The following AADACL2 variants were observed in gnomAD, a reference collection of about 807,000 sequenced individuals.
The protein encoded by AADACL2 is arylacetamide deacetylase-like 2.
AADACL2 carries 23 observed loss-of-function variants against 22.3 expected under a neutral mutation model. The ratio of observed to expected loss-of-function variants is 1.03; its 90% CI spans 0.74 to 1.46. The LOEUF (loss-of-function observed/expected upper bound fraction) is 1.46. AADACL2 is among the 40% of genes most tolerant of loss of function. The pLI is 0.00. For missense variants in AADACL2, 472 were observed against 482.9 expected (o/e 0.98, Z 0.21); for synonymous variants, 177 against 166.2 (o/e 1.07, Z -0.50).
At position 151,761,204 on chromosome 3, in the gene AADACL2, G is replaced by GATATATATATATATATATATAT. The variant is rs56205370; in HGVS notation, c.*3627_*3648dup. 2.3e-5 allele frequency: 2 copies of GATATATATATATATATATATAT among 85,452 alleles called. No individual in the cohort carries two copies. The highest frequency in any genetic ancestry group is 2.4e-5 in the Non-Finnish European group (1 of 41,462). 5.3% of individuals were successfully genotyped at this position (85,452 alleles called of 1,614,324 possible). The stretch of plus-strand genomic sequence containing the variant: ...ATATGGTGAGATATATACATATTGT[G>GATATATATATATATATATATAT]ATATATATATATATATATATATATA... On this transcript the variant is annotated 3_prime_UTR_variant, in exon 5 of 5. Transcript: ENST00000356517.
Position 151,758,948 on chromosome 3 carries a change from C to T in AADACL2, c.*1354C>T, listed in dbSNP as rs1400711290. ...TGATTCAGAAGGCAATTAAGAATTA[C>T]AATTTCAACAGTCCACAAACAAAAT... On this transcript the variant is annotated 3_prime_UTR_variant, in exon 5 of 5. Transcript: ENST00000356517. 1 of 152,026 alleles carries T rather than the reference C, an allele frequency of 6.6e-6. No individual in the cohort carries two copies. Among genetic ancestry groups the T allele is most frequent in the East Asian group, 1.9e-4 (1 of 5,194 alleles). 9.4% of individuals were successfully genotyped at this position (152,026 alleles called of 1,614,324 possible).
intron 4 of AADACL2, among the ~76,000 whole-genome samples, chr3:151,749,991 G>A (rs1713604280): frequency 6.6e-6 from 1 of 152,074 alleles, no homozygotes. Flanking sequence ...TTGTCTATAT[G>A]GCCTTTATTA....
rs556814703 is a variant in AADACL2 at position 151,734,172 on chromosome 3, C to A, written c.137C>A (p.Thr46Lys). The stretch of plus-strand genomic sequence containing the variant: ...GCCATCGCTAAAACTTGTACATTTA[C>A]GGTAAGGTTAACATTTATTTTTTCT... ...LDAIAKTCTFTAMCFENMRIM... is the reference protein window; with the variant it reads ...LDAIAKTCTFKAMCFENMRIM... The change falls in exon 1 of 5, where the codon ACG (threonine) becomes AAG (lysine). Residue 46 changes from threonine to lysine, a missense_variant and splice_region_variant. By Grantham distance (78) the Thr-to-Lys change is moderately conservative. This residue lies in a region of AADACL2 where 356 missense variants were observed against 365.5 expected (regional missense o/e 0.97). Transcript: ENST00000356517. The A allele has an allele frequency of 6.2e-7, 1 of 1,612,016 alleles. No homozygotes were observed. The highest frequency in any genetic ancestry group is 8.5e-7 in the Non-Finnish European group (1 of 1,178,982).
intron 1 of AADACL2, among the ~76,000 whole-genome samples, chr3:151,737,213 A>AT (rs1284050609): frequency 4.6e-5 from 7 of 152,158 alleles, no homozygotes; most frequent in African/African-American, 1.7e-4. Flanking sequence ...TAATTTAGTT[A>AT]TTTACCCAGT....
chr3:151,745,479 C>A (rs751899742), intron 3 of AADACL2, 30 bp from the exon 4 acceptor site: 6 of 1,596,254 alleles, frequency 3.8e-6, no homozygotes, highest in Non-Finnish European at 5.1e-6. Flanking sequence ...CAGATACAAC[C>A]ATAAATGCTT....
chr3:151,745,967 T>C (rs1195115845), intron 4 of AADACL2, among the ~76,000 whole-genome samples: 1 of 152,166 alleles, frequency 6.6e-6, no homozygotes, highest in African/African-American at 2.4e-5. Flanking sequence ...TATTAGATTA[T>C]CTTATCAATT....
At chr3:151,740,034 G>A (rs1713227209) in intron 1 of AADACL2, among the ~76,000 whole-genome samples, 2 of 152,130 alleles carry the variant, frequency 1.3e-5, no homozygotes, top group African/African-American at 4.8e-5. Context: ...CTGTCTCACT[G>A]GAGTTCCAAG....
At position 151,757,268 on chromosome 3, in the gene AADACL2, G is replaced by C. The variant is rs766584533; in HGVS notation, c.880G>C (p.Asp294His). 1.2e-6 allele frequency: 2 copies of C among 1,613,698 alleles called. No homozygotes were observed. Among genetic ancestry groups the C allele is most frequent in the South Asian group, 1.1e-5 (1 of 91,050 alleles). Residue 294 changes from aspartate to histidine, a missense_variant, in exon 5 of 5, where the codon GAC (aspartate) becomes CAC (histidine). Around this residue, in one of 3 missense-constraint regions of AADACL2, gnomAD observed 356 missense variants for 365.5 expected, o/e 0.97. Coordinates refer to ENST00000356517, the MANE Select transcript of AADACL2 (RefSeq NM_207365.4). ...SILLPEKYRKDYVYTEPILGG... is the reference protein window; with the variant it reads ...SILLPEKYRKHYVYTEPILGG... Reference sequence around the variant, plus strand: ...TCTTCTTCCTGAGAAGTATAGAAAAGACTATGTATATACTGAACCAATTCT... The same window carrying C: ...TCTTCTTCCTGAGAAGTATAGAAAACACTATGTATATACTGAACCAATTCT...
At chr3:151,746,229 A>T (rs1223596286) in intron 4 of AADACL2, among the ~76,000 whole-genome samples, 2 of 151,924 alleles carry the variant, frequency 1.3e-5, no homozygotes, top group East Asian at 3.9e-4. Flanking sequence ...CTGAATGTTT[A>T]TTTGGAACAT....
Position 151,757,816 on chromosome 3 carries a change from T to A in AADACL2, c.*222T>A. ...GCCTATTTTCTCCTTACTTATAATT[T>A]ATTATAATTATGTTGGTTCTAATAA... is the stretch of plus-strand genomic sequence containing the variant. On this transcript the variant is annotated 3_prime_UTR_variant, in exon 5 of 5. Coordinates refer to ENST00000356517, the MANE Select transcript of AADACL2 (RefSeq NM_207365.4). The A allele has an allele frequency of 2.7e-6, 1 of 368,248 alleles. No individual in the cohort carries two copies. Among genetic ancestry groups the A allele is most frequent in the Non-Finnish European group, 4.8e-6 (1 of 210,166 alleles). The allele number at this position is 368,248 out of a possible 1,614,324, so 22.8% of individuals were successfully genotyped here. A position where few individuals can be genotyped will look rare whatever the true frequency, so the allele number is the denominator to read the frequency against.
At position 151,761,203 on chromosome 3, in the gene AADACL2, TGATATA is replaced by T. The variant is rs1714140710; in HGVS notation, c.*3610_*3615del. On this transcript the variant is annotated 3_prime_UTR_variant, in exon 5 of 5. Transcript: ENST00000356517. Reference sequence around the variant, plus strand: ...TATATGGTGAGATATATACATATTGTGATATATATATATATATATATATATATATAT... The same window carrying T: ...TATATGGTGAGATATATACATATTGTTATATATATATATATATATATATAT... 1.8e-5 allele frequency: 1 copy of T among 55,208 alleles called. No homozygotes were observed. Among genetic ancestry groups the T allele is most frequent in the Admixed American group, 2.4e-4 (1 of 4,182 alleles). The allele number at this position is 55,208 out of a possible 1,614,324, so 3.4% of individuals were successfully genotyped here.
chr3:151,734,544 C>T (rs1207040861), intron 1 of AADACL2, among the ~76,000 whole-genome samples: 2 of 152,110 alleles, frequency 1.3e-5, no homozygotes, highest in Non-Finnish European at 2.9e-5. Context: ...TGTTTAGATA[C>T]ACATTATTGA....
rs937171349 is a variant in AADACL2 at position 151,758,476 on chromosome 3, G to A, written c.*882G>A. Reference sequence around the variant, plus strand: ...TTTTCTATATAAAGTAACCTTCAGAGATTAGGATGTAGTTATCTTTTGGGA... The same window carrying A: ...TTTTCTATATAAAGTAACCTTCAGAAATTAGGATGTAGTTATCTTTTGGGA... On this transcript the variant is annotated 3_prime_UTR_variant, in exon 5 of 5. Transcript: ENST00000356517. 2 of 152,010 alleles carry A rather than the reference G, an allele frequency of 1.3e-5. No homozygotes were observed. The highest frequency in any genetic ancestry group is 4.8e-5 in the African/African-American group (2 of 41,388). The allele number at this position is 152,010 out of a possible 1,614,324, so 9.4% of individuals were successfully genotyped here.
At chr3:151,749,247 C>T (rs1254569898) in intron 4 of AADACL2, among the ~76,000 whole-genome samples, 2 of 148,132 alleles carry the variant, frequency 1.4e-5, no homozygotes, top group East Asian at 2.0e-4. Context: ...ATCTTTCTAC[C>T]TCCTTGGTTA....
At chr3:151,748,948 C>A (rs904603076) in intron 4 of AADACL2, among the ~76,000 whole-genome samples, 4 of 152,140 alleles carry the variant, frequency 2.6e-5, no homozygotes, top group African/African-American at 4.8e-5. Flanking sequence ...ATTATTGTAG[C>A]TTTGCAGTTT....
chr3:151,745,185 T>C (rs1231952961), intron 3 of AADACL2, among the ~76,000 whole-genome samples: 1 of 152,156 alleles, frequency 6.6e-6, no homozygotes, highest in Non-Finnish European at 1.5e-5. Flanking sequence ...GGATTACAAG[T>C]TACATTGAGA....
At chr3:151,742,707 G>A (rs1319452038) in intron 2 of AADACL2, among the ~76,000 whole-genome samples, 2 of 152,080 alleles carry the variant, frequency 1.3e-5, no homozygotes, top group African/African-American at 4.8e-5. Context: ...TCCTGTTTGC[G>A]CCCCTGAGCT....
At chr3:151,747,996 T>A (rs566297386) in intron 4 of AADACL2, among the ~76,000 whole-genome samples, 54 of 152,270 alleles carry the variant, frequency 3.5e-4, no homozygotes, top group African/African-American at 1.2e-3. Flanking sequence ...TTGAATTCTT[T>A]ATACATTTTG....
intron 2 of AADACL2, among the ~76,000 whole-genome samples, chr3:151,743,352 G>T (rs1369098003): frequency 2.0e-5 from 3 of 152,158 alleles, no homozygotes; most frequent in African/African-American, 2.4e-5. Context: ...AGCAGCAGCA[G>T]ATGTTACAGA....
Sources: gnomAD v4.1 joint callset for allele counts (sites outside exome capture counted in the v4.1 genomes callset) on GRCh38, gnomAD v4.1.1 for gene constraint, gnomAD v4.1.1 regional missense constraint, MANE v1.5 for transcripts, NCBI Gene and HGNC (gene_info 2026-07-23, HGNC 2026-07-21) for gene names.